Variants in CRMP1 observed in about 807,000 individuals in gnomAD.
CRMP1 encodes the protein collapsin response mediator protein 1.
CRMP1 carries 19 observed loss-of-function variants against 68.3 expected under a neutral mutation model. That is an observed-to-expected ratio of 0.28 (90% CI 0.19 to 0.41). The LOEUF (loss-of-function observed/expected upper bound fraction) is 0.41. Ranked by LOEUF, CRMP1 falls within the 10% of genes least tolerant of loss-of-function variation. CRMP1 has a pLI of 1.00. For missense variants in CRMP1, 791 were observed against 967.4 expected (o/e 0.82, Z 2.42); for synonymous variants, 439 against 399.6 (o/e 1.10, Z -1.18).
intron 11 of CRMP1, among the ~76,000 whole-genome samples, chr4:5,829,836 T>C (rs1465469816): frequency 1.3e-5 from 2 of 152,232 alleles, no homozygotes; most frequent in African/African-American, 4.8e-5. Context: ...TAAAAACTGC[T>C]GAAACAGACT....
intron 4 of CRMP1, among the ~76,000 whole-genome samples, chr4:5,852,237 G>C (rs1712711567): frequency 6.6e-6 from 1 of 152,188 alleles, no homozygotes; most frequent in Admixed American, 6.5e-5. Flanking sequence ...GCTGAGTTCA[G>C]GCCTCAGTTG....
chr4:5,835,163 G>A (rs753737028), intron 11 of CRMP1, among the ~76,000 whole-genome samples: 5 of 152,186 alleles, frequency 3.3e-5, no homozygotes, highest in Non-Finnish European at 5.9e-5. Flanking sequence ...GCTCCATCAC[G>A]GTGTGCACAT....
chr4:5,843,581 T>A lies in CRMP1; in HGVS notation c.964-420A>T, dbSNP rs1711951521. ...TAGTCTTTGATGTTGAAATCAAAGATCCCGAAACTGGGAGTCCAGATCCAG... is the reference window on the plus strand; with the variant it reads ...TAGTCTTTGATGTTGAAATCAAAGAACCCGAAACTGGGAGTCCAGATCCAG... On this transcript the variant is annotated intron_variant, in intron 6 of 13. Coordinates refer to ENST00000324989, the MANE Select transcript of CRMP1 (RefSeq NM_001014809.3). This position sits in a 1 kb window ranked among gnomAD's most constrained non-coding sequence, Gnocchi z 4.1. Among the ~76,000 whole-genome samples the A allele has an allele frequency of 6.6e-6, 1 of 152,082 alleles. No individual in the cohort carries two copies. Among genetic ancestry groups the A allele is most frequent in the South Asian group, 2.1e-4 (1 of 4,812 alleles).
At chr4:5,868,315 T>G (rs1260195342) in intron 1 of CRMP1, among the ~76,000 whole-genome samples, 3 of 137,374 alleles carry the variant, frequency 2.2e-5, no homozygotes, top group African/African-American at 5.7e-5. Flanking sequence ...ATAATTTTTT[T>G]TTTTGAGACG....
In CRMP1 at chr4:5,836,831, A is replaced by C; in HGVS notation, c.1386T>G (p.Phe462Leu). Residue 462 changes from phenylalanine (F) to leucine (L), a missense_variant, in exon 10 of 14, where the codon TTT becomes TTG. Phe to Leu is a conservative substitution (Grantham distance 22). Around this residue, in one of 3 missense-constraint regions of CRMP1, gnomAD observed 594 missense variants for 763.6 expected, o/e 0.78. Transcript: ENST00000324989. ...TAQKAVGKDN[F>L]TLIPEGVNGI... ...CGTTGACACCCTCGGGGATCAGGGT[A>C]AAGTTGTCCTTGCCCACCGCCTTCT... The C allele has an allele frequency of 6.2e-7, 1 of 1,614,192 alleles. No individual in the cohort carries two copies. Among genetic ancestry groups the C allele is most frequent in the Non-Finnish European group, 8.5e-7 (1 of 1,180,036 alleles).
chr4:5,855,664 A>AGT lies in CRMP1; in HGVS notation c.820+478_820+479insAC, dbSNP rs1263919087. ...AACAATGGAAAAAGTGCCCCAAAGG[A>AGT]GGCCTAAGTAACCGGCATTGGCTAT... On this transcript the variant is annotated intron_variant, in intron 4 of 13. Coordinates refer to ENST00000324989, the MANE Select transcript of CRMP1 (RefSeq NM_001014809.3). The surrounding 1 kb of genome is among the most constrained non-coding windows in gnomAD (Gnocchi z 4.9). 6.6e-6 allele frequency among the ~76,000 whole-genome samples: 1 copy of AGT among 152,210 alleles called. No individual in the cohort carries two copies. Among genetic ancestry groups the AGT allele is most frequent in the African/African-American group, 2.4e-5 (1 of 41,466 alleles).
rs1433310488 is a variant in CRMP1, at chr4:5,860,589, T to C, written c.655+437A>G. ...TCTGTCACAATAATACCTATGTCAC[T>C]GGTTCTGAAACCATAGCCATCTTCA... is the stretch of plus-strand genomic sequence containing the variant. On this transcript the variant is annotated intron_variant, in intron 3 of 13. Coordinates refer to ENST00000324989, the MANE Select transcript of CRMP1 (RefSeq NM_001014809.3). The surrounding 1 kb of genome is among the most constrained non-coding windows in gnomAD (Gnocchi z 4.2). Among the ~76,000 whole-genome samples the C allele has an allele frequency of 2.0e-5, 3 of 152,026 alleles. No homozygotes were observed. Among genetic ancestry groups the C allele is most frequent in the South Asian group, 2.1e-4 (1 of 4,824 alleles).
intron 13 of CRMP1, among the ~76,000 whole-genome samples, chr4:5,823,636 T>G (rs1235454462): frequency 8.5e-5 from 13 of 152,302 alleles, no homozygotes; most frequent in African/African-American, 2.6e-4. Flanking sequence ...GAACTGGTTG[T>G]TAAAGAGCAC....
chr4:5,875,381 T>C (rs150854772), intron 1 of CRMP1, among the ~76,000 whole-genome samples: 1 of 136,316 alleles, frequency 7.3e-6, no homozygotes, highest in African/African-American at 2.9e-5. Flanking sequence ...ACAAAATCTA[T>C]TAAGGTCTAG....
Position 5,841,191 on chromosome 4 carries a change from T to A in CRMP1, c.1153+117A>T. 6.5e-7 allele frequency: 1 copy of A among 1,526,896 alleles called. No individual in the cohort carries two copies. The allele number at this position is 1,526,896 out of a possible 1,614,324, so 94.6% of individuals were successfully genotyped here. On this transcript the variant is annotated intron_variant, in intron 8 of 13. Transcript: ENST00000324989. The surrounding 1 kb of genome is among the most constrained non-coding windows in gnomAD (Gnocchi z 6.9). ...ATCCTTGTGTCAGGAGCATCCCCGC[T>A]CCACCCCTCCCTCCTCCGGCTGCCT...
intron 1 of CRMP1, among the ~76,000 whole-genome samples, chr4:5,869,393 G>C (rs1714271435): frequency 6.6e-6 from 1 of 152,068 alleles, no homozygotes; most frequent in African/African-American, 2.4e-5. Flanking sequence ...GGAGAAAGAA[G>C]TAAACTGGGC....
At chr4:5,863,665 C>G (rs1032583545) in intron 2 of CRMP1, among the ~76,000 whole-genome samples, 2 of 152,136 alleles carry the variant, frequency 1.3e-5, no homozygotes, top group African/African-American at 4.8e-5. Flanking sequence ...ACCACCGGCA[C>G]TAGATTCACC....
chr4:5,848,354 G>A (rs964912920), intron 6 of CRMP1, among the ~76,000 whole-genome samples: 1 of 152,090 alleles, frequency 6.6e-6, no homozygotes, highest in Non-Finnish European at 1.5e-5. Flanking sequence ...ACCACACCCA[G>A]CTAATTTTTG....
In CRMP1 at chr4:5,864,647, G is replaced by C. The variant is rs541368612; in HGVS notation, c.470+2021C>G. On this transcript the variant is annotated intron_variant, in intron 2 of 13. Transcript: ENST00000324989. ...GTGGCTGCAACAGACAGCAGCTCAC[G>C]TGCTGTGGGGACAGAGGGATGCACC... 2.0e-5 allele frequency among the ~76,000 whole-genome samples: 3 copies of C among 152,180 alleles called. No individual in the cohort carries two copies. In the South Asian group the frequency reaches 6.2e-4, roughly 32 times the overall value.
rs1048615824 is a variant in CRMP1 at position 5,859,536 on chromosome 4, G to A, written c.655+1490C>T. Among the ~76,000 whole-genome samples, 19 of 152,138 alleles carry A rather than the reference G, an allele frequency of 1.2e-4. No individual in the cohort carries two copies. The highest frequency in any genetic ancestry group is 3.3e-4 in the Admixed American group (5 of 15,268). On this transcript the variant is annotated intron_variant, in intron 3 of 13. Coordinates refer to ENST00000324989, the MANE Select transcript of CRMP1 (RefSeq NM_001014809.3). This position sits in a 1 kb window ranked among gnomAD's most constrained non-coding sequence, Gnocchi z 5.2. ...CATGTACGTCTCCAAACCACCCTAGGCACTTCCCACCATAAGGCCCACATT... is the reference window on the plus strand; with the variant it reads ...CATGTACGTCTCCAAACCACCCTAGACACTTCCCACCATAAGGCCCACATT...
At chr4:5,839,748 A>C in intron 8 of CRMP1, 70 bp from the exon 9 acceptor site, 1 of 1,486,730 alleles carries the variant, frequency 6.7e-7, no homozygotes, top group Non-Finnish European at 9.1e-7. Flanking sequence ...AAGGCACAAA[A>C]TTGGAAGACT....
In CRMP1 at chr4:5,858,469, T is replaced by A. The variant is rs1713296621; in HGVS notation, c.656-2162A>T. Among the ~76,000 whole-genome samples the A allele has an allele frequency of 6.6e-6, 1 of 151,784 alleles. No homozygotes were observed. Among genetic ancestry groups the A allele is most frequent in the Non-Finnish European group, 1.5e-5 (1 of 67,974 alleles). ...ACGGTTCCACAGCCAGAGGCCCAGG[T>A]CACCCGTGGCACTTCCTTTCCCTCA... On this transcript the variant is annotated intron_variant, in intron 3 of 13. Transcript: ENST00000324989. The surrounding 1 kb of genome is among the most constrained non-coding windows in gnomAD (Gnocchi z 5.5).
chr4:5,821,652 T>C lies in CRMP1; in HGVS notation c.*108A>G. The C allele has an allele frequency of 9.8e-7, 1 of 1,024,812 alleles. No homozygotes were observed. Among genetic ancestry groups the C allele is most frequent in the South Asian group, 1.6e-5 (1 of 63,626 alleles). 63.5% of individuals were successfully genotyped at this position (1,024,812 alleles called of 1,614,324 possible). On this transcript the variant is annotated 3_prime_UTR_variant, in exon 14 of 14. Coordinates refer to ENST00000324989, the MANE Select transcript of CRMP1 (RefSeq NM_001014809.3). This position sits in a 1 kb window ranked among gnomAD's most constrained non-coding sequence, Gnocchi z 4.4. ...GAAAGAGCATCCTTCGACTTCCCCC[T>C]CCCTCCATCAGCACCAACTAAAACT...
At chr4:5,868,265 A>ATATATC (rs1560513180) in intron 1 of CRMP1, among the ~76,000 whole-genome samples, 27 of 12,820 alleles carry the variant, frequency 2.1e-3, no homozygotes, top group Admixed American at 0.015. Flanking sequence ...ATATATCTAT[A>ATATATC]TATATATATA....
Sources: allele counts gnomAD v4.1 joint callset (sites outside exome capture counted in the v4.1 genomes callset), GRCh38; gene constraint gnomAD v4.1.1; regional missense constraint gnomAD v4.1.1; non-coding constraint Gnocchi (gnomAD v3.1); transcripts MANE v1.5; gene names NCBI Gene and HGNC (gene_info 2026-07-23, HGNC 2026-07-21).